Variants in FOCAD observed in about 807,000 individuals in gnomAD.
FOCAD encodes KIAA1797.
A neutral mutation model predicts 225.6 loss-of-function variants in FOCAD; 198 were observed. That is an observed-to-expected ratio of 0.88 (90% CI 0.78 to 0.99). The LOEUF (loss-of-function observed/expected upper bound fraction) is 0.99, where lower values mean the gene tolerates loss of function less well. FOCAD is among the 50% of genes least tolerant of loss of function. The pLI, the probability that FOCAD is intolerant of heterozygous loss-of-function variation, is 0.00. For missense variants in FOCAD, 2,713 were observed against 2,123.6 expected (o/e 1.28, Z -5.46); for synonymous variants, 897 against 755.0 (o/e 1.19, Z -3.08).
Position 20,988,394 on chromosome 9 carries a change from C to T in FOCAD, c.4969C>T (p.Gln1657Ter), listed in dbSNP as rs763321489. Reference protein sequence around the residue: ...LMGYIRNVAYQSTSFHNTALD... With the variant: ...LMGYIRNVAY ...GGGTTATATTAGAAATGTTGCTTAC[C>T]AGTCAACATCCTTTCACAATACGGC... Residue 1657 changes from glutamine (Q) to a stop codon, truncating the protein, a stop_gained, in exon 41 of 44, where the codon CAG (glutamine) becomes TAG (stop). Coordinates refer to ENST00000338382, the MANE Select transcript of FOCAD (RefSeq NM_001375567.1). LOFTEE classifies it high-confidence loss of function. 11 of 1,610,200 alleles carry T rather than the reference C, an allele frequency of 6.8e-6. No individual in the cohort carries two copies. The highest frequency in any genetic ancestry group is 9.3e-6 in the Non-Finnish European group (11 of 1,177,324).
At chr9:20,670,786 G>A (rs971699545) in intron 2 of FOCAD, among the ~76,000 whole-genome samples, 16 of 152,108 alleles carry the variant, frequency 1.1e-4, no homozygotes, top group Non-Finnish European at 1.5e-4. Context: ...GTTGGTTAAC[G>A]TCTGAAATTT....
chr9:20,699,773 AATATATATATATATATATATATATAT>A (rs1277614689), intron 1 of FOCAD, among the ~76,000 whole-genome samples: 35 of 30,348 alleles, frequency 1.2e-3, no homozygotes, highest in East Asian at 3.1e-3. Context: ...AAAAAAAAAA[AATATATATATATATATATATATATAT>A]ATATATATAT....
intron 27 of FOCAD, 114 bp from the exon 28 acceptor site, chr9:20,932,900 T>A (rs1211303655): frequency 4.1e-6 from 3 of 737,156 alleles, no homozygotes; most frequent in Non-Finnish European, 6.7e-6. Context: ...CTTTTTTTTT[T>A]AAGAGAAATG....
chr9:20,789,812 T>C (rs1455329829), intron 11 of FOCAD, among the ~76,000 whole-genome samples: 1 of 152,122 alleles, frequency 6.6e-6, no homozygotes, highest in Non-Finnish European at 1.5e-5. Context: ...GCAAACAGTT[T>C]TTAAATGAAA....
At chr9:20,948,779 C>A in intron 31 of FOCAD, 72 bp from the exon 32 acceptor site, 1 of 1,518,242 alleles carries the variant, frequency 6.6e-7, no homozygotes, top group Non-Finnish European at 9.1e-7. Context: ...TTCTCCGTGT[C>A]CTCAGAAGTT....
chr9:20,929,018 T>G (rs1587640245), intron 26 of FOCAD: 1 of 166,588 alleles, frequency 6.0e-6, no homozygotes, highest in East Asian at 1.6e-4. Context: ...TTTTCTGTTT[T>G]TTTGTTTTTT....
chr9:20,994,921 T>G (rs1263615516), intron 43 of FOCAD, among the ~76,000 whole-genome samples: 1 of 152,128 alleles, frequency 6.6e-6, no homozygotes, highest in Admixed American at 6.5e-5. Flanking sequence ...CTACATTCCT[T>G]CATATTATTA....
At chr9:20,753,578 A>T (rs1828769380) in intron 5 of FOCAD, among the ~76,000 whole-genome samples, 1 of 151,528 alleles carries the variant, frequency 6.6e-6, no homozygotes, top group South Asian at 2.1e-4. Flanking sequence ...TTTATTGAGG[A>T]TTTTTGCATC....
At chr9:20,899,825 CCT>C (rs556198794) in intron 21 of FOCAD, among the ~76,000 whole-genome samples, 86 of 151,800 alleles carry the variant, frequency 5.7e-4, no homozygotes, top group Admixed American at 2.4e-3. Flanking sequence ...GAAATTCTCC[CCT>C]GTTACTTTTA....
At chr9:20,713,367 G>T (rs952260922) in intron 1 of FOCAD, among the ~76,000 whole-genome samples, 1 of 152,008 alleles carries the variant, frequency 6.6e-6, no homozygotes, top group Non-Finnish European at 1.5e-5. Context: ...ACACTCTTCC[G>T]CCTAGATATC....
At chr9:20,881,193 G>C (rs1252204417) in intron 19 of FOCAD, among the ~76,000 whole-genome samples, 1 of 152,200 alleles carries the variant, frequency 6.6e-6, no homozygotes, top group Non-Finnish European at 1.5e-5. Flanking sequence ...GAAAATGTGG[G>C]ACTGATATGT....
chr9:20,977,935 G>C (rs1268808921), intron 36 of FOCAD, among the ~76,000 whole-genome samples: 2 of 152,158 alleles, frequency 1.3e-5, no homozygotes, highest in African/African-American at 4.8e-5. Context: ...TTGATGACTA[G>C]AGAATGTGGC....
chr9:20,883,237 T>A (rs1353358659), intron 20 of FOCAD, among the ~76,000 whole-genome samples: 1 of 151,980 alleles, frequency 6.6e-6, no homozygotes, highest in Non-Finnish European at 1.5e-5. Context: ...CTACATGAAA[T>A]AACATACTTT....
intron 35 of FOCAD, among the ~76,000 whole-genome samples, chr9:20,964,777 A>G (rs552590065): frequency 6.6e-6 from 1 of 152,234 alleles, no homozygotes; most frequent in African/African-American, 2.4e-5. Flanking sequence ...CTCATGATCC[A>G]TCCTCCTCGG....
chr9:20,816,780 T>C (rs1378449461), intron 11 of FOCAD, among the ~76,000 whole-genome samples: 2 of 152,102 alleles, frequency 1.3e-5, no homozygotes, highest in Non-Finnish European at 2.9e-5. Context: ...AGACAGAGCA[T>C]ATTTGGGGAA....
At chr9:20,733,434 C>T (rs1263131879) in intron 4 of FOCAD, among the ~76,000 whole-genome samples, 2 of 151,948 alleles carry the variant, frequency 1.3e-5, no homozygotes, top group Admixed American at 1.3e-4. Flanking sequence ...TACACATGTG[C>T]CATGCTGGTG....
chr9:20,748,723 G>A (rs1297683310), intron 5 of FOCAD, among the ~76,000 whole-genome samples: 3 of 151,958 alleles, frequency 2.0e-5, no homozygotes, highest in Non-Finnish European at 4.4e-5. Flanking sequence ...TACATGTTTT[G>A]CTCCTGTTTT....
At chr9:20,962,433 T>TACAC (rs1838835161) in intron 35 of FOCAD, among the ~76,000 whole-genome samples, 1 of 151,816 alleles carries the variant, frequency 6.6e-6, no homozygotes, top group Admixed American at 6.6e-5. Flanking sequence ...CATACATACA[T>TACAC]ACATACATAC....
At chr9:20,685,834 T>A (rs751838616) in intron 1 of FOCAD, among the ~76,000 whole-genome samples, 1 of 152,202 alleles carries the variant, frequency 6.6e-6, no homozygotes, top group Non-Finnish European at 1.5e-5. Context: ...AGTTGACGCC[T>A]GATAACCAAA....
Sources: allele counts gnomAD v4.1 joint callset (sites outside exome capture counted in the v4.1 genomes callset), GRCh38; gene constraint gnomAD v4.1.1; transcripts MANE v1.5; gene names NCBI Gene and HGNC (gene_info 2026-07-23, HGNC 2026-07-21).